NR2C2: variants seen among roughly 807,000 people sequenced by gnomAD.
NR2C2 encodes nuclear receptor subfamily 2 group C member 2, also known as Nuclear hormone receptor TR4.
A neutral mutation model predicts 62.9 loss-of-function variants in NR2C2; 6 were observed. The observed-to-expected ratio is 0.10, with a 90% CI of 0.05 to 0.19. The LOEUF (loss-of-function observed/expected upper bound fraction) is 0.19. NR2C2 is among the 10% of genes least tolerant of loss of function. NR2C2 has a pLI of 1.00. For synonymous variants in NR2C2, 272 were observed against 273.8 expected (o/e 0.99, Z 0.07); for missense variants, 479 against 762.7 (o/e 0.63, Z 4.38).
chr3:15,010,563 A>G (rs571603822), intron 2 of NR2C2, among the ~76,000 whole-genome samples: 2 of 151,622 alleles, frequency 1.3e-5, no homozygotes, highest in South Asian at 2.1e-4. Flanking sequence ...AAAAAAAAAA[A>G]TTGCCAGGCA....
In NR2C2 at chr3:15,040,447, G is replaced by A. The variant is rs139934066; in HGVS notation, c.1616+1220G>A. On this transcript the variant is annotated intron_variant, in intron 13 of 13. Transcript: ENST00000425241. ...ACACACAGGCCCACCTTCCCGACAT[G>A]TGTCCTCTGCACAGACCTCAGTCTC... 4.4e-3 allele frequency among the ~76,000 whole-genome samples: 674 copies of A among 152,354 alleles called. 4 individuals carry two copies. Among genetic ancestry groups the A allele is most frequent in the African/African-American group, 0.015 (638 of 41,584 alleles).
intron 7 of NR2C2, among the ~76,000 whole-genome samples, chr3:15,027,773 C>G (rs976953295): frequency 6.6e-6 from 1 of 151,606 alleles, no homozygotes; most frequent in Non-Finnish European, 1.5e-5. Flanking sequence ...AATTTTTTTA[C>G]TTTTTGTAGA....
At chr3:14,997,705 TTTG>T (rs1215491981) in intron 1 of NR2C2, among the ~76,000 whole-genome samples, 2 of 152,196 alleles carry the variant, frequency 1.3e-5, no homozygotes, top group Non-Finnish European at 2.9e-5. Context: ...TTGTAGTGAA[TTTG>T]TTGTTAAAAT....
intron 9 of NR2C2, among the ~76,000 whole-genome samples, chr3:15,031,165 A>G (rs1043762018): frequency 2.0e-5 from 3 of 152,124 alleles, no homozygotes; most frequent in African/African-American, 7.2e-5. Context: ...ATCTACAACA[A>G]GCAGGCAGCC....
chr3:15,017,308 C>T (rs1198072977), intron 4 of NR2C2, among the ~76,000 whole-genome samples: 1 of 152,170 alleles, frequency 6.6e-6, no homozygotes, highest in African/African-American at 2.4e-5. Context: ...CTCTGAAGCC[C>T]TCACCTACCC....
intron 11 of NR2C2, among the ~76,000 whole-genome samples, chr3:15,037,113 CAAAAA>C (rs1194047301): frequency 7.8e-6 from 1 of 128,718 alleles, no homozygotes; most frequent in Non-Finnish European, 1.7e-5. Context: ...GAGTGAGACT[CAAAAA>C]AAAAAAAACC....
In NR2C2 at chr3:14,991,487, T is replaced by C. The variant is rs180757553; in HGVS notation, c.-39-12389T>C. The stretch of plus-strand genomic sequence containing the variant: ...GTTCAAGCTGGAGGTGTCCCCTGCC[T>C]AACACCCTTTACCCTACTTAAGGGT... On this transcript the variant is annotated intron_variant, in intron 1 of 13. Coordinates refer to ENST00000425241, the MANE Select transcript of NR2C2 (RefSeq NM_001291694.2). 2.0e-5 allele frequency among the ~76,000 whole-genome samples: 3 copies of C among 152,348 alleles called. No individual in the cohort carries two copies. In the East Asian group the frequency reaches 5.8e-4, roughly 29 times the overall value.
At chr3:14,955,088 C>G (rs1424589998) in intron 1 of NR2C2, among the ~76,000 whole-genome samples, 1 of 152,158 alleles carries the variant, frequency 6.6e-6, no homozygotes. Flanking sequence ...ATCCCGGCCT[C>G]CTAAAGTGCT....
chr3:15,029,826 TAG>T lies in NR2C2; in HGVS notation c.933-447_933-446del, dbSNP rs1559303977. Among the ~76,000 whole-genome samples the T allele has an allele frequency of 7.3e-3, 909 of 125,174 alleles. 12 individuals are homozygous for T. The highest frequency in any genetic ancestry group is 0.028 in the African/African-American group (813 of 28,878). 82.1% of individuals were successfully genotyped at this position (125,174 alleles called of 152,430 possible). A position where few individuals can be genotyped will look rare whatever the true frequency, so the allele number is the denominator to read the frequency against. On this transcript the variant is annotated intron_variant, in intron 8 of 13. Transcript: ENST00000425241. ...ATAGATAGATAGATAGATAGATAGA[TAG>T]ATAGATAGATAGATATAGATAGACC...
intron 1 of NR2C2, among the ~76,000 whole-genome samples, chr3:14,981,602 CAAAAAAAAAAAAA>C (rs927608192): frequency 3.2e-4 from 12 of 37,672 alleles, no homozygotes; most frequent in South Asian, 1.6e-3. Flanking sequence ...GGCTCTGTCT[CAAAAAAAAAAAAA>C]AAAAAAAAGA....
At chr3:14,985,755 C>CA (rs1277929748) in intron 1 of NR2C2, among the ~76,000 whole-genome samples, 2 of 152,120 alleles carry the variant, frequency 1.3e-5, no homozygotes, top group Non-Finnish European at 2.9e-5. Flanking sequence ...TAAGTTTGCA[C>CA]ATTGAAGTAT....
intron 1 of NR2C2, among the ~76,000 whole-genome samples, chr3:14,960,568 C>T (rs2125244605): frequency 6.6e-6 from 1 of 152,290 alleles, no homozygotes; most frequent in South Asian, 2.1e-4. Context: ...GAAAGATACA[C>T]CTTTCTAGTA....
rs1171283649 is a variant in NR2C2 at position 15,046,192 on chromosome 3, G to A, written c.*3184G>A. The A allele has an allele frequency of 6.6e-6, 1 of 152,198 alleles. No individual in the cohort carries two copies. Among genetic ancestry groups the A allele is most frequent in the Non-Finnish European group, 1.5e-5 (1 of 68,040 alleles). The allele number at this position is 152,198 out of a possible 1,614,324, so 9.4% of individuals were successfully genotyped here. A position where few individuals can be genotyped will look rare whatever the true frequency, so the allele number is the denominator to read the frequency against. ...CCTTGCCATAAGGCTGTGGTTTGAGGTTCTTTTGCTGTTCTGGGCTTTATA... is the reference window on the plus strand; with the variant it reads ...CCTTGCCATAAGGCTGTGGTTTGAGATTCTTTTGCTGTTCTGGGCTTTATA... On this transcript the variant is annotated 3_prime_UTR_variant, in exon 14 of 14. Transcript: ENST00000425241.
chr3:15,020,871 C>T lies in NR2C2; in HGVS notation c.495C>T (p.His165=), dbSNP rs2041651132. The T allele has an allele frequency of 1.9e-6, 3 of 1,614,154 alleles. No homozygotes were observed. The highest frequency in any genetic ancestry group is 2.5e-6 in the Non-Finnish European group (3 of 1,180,022). ...SNQDCIINKH[H]RNRCQFCRLK... is the part of the protein sequence containing the mutation. The stretch of plus-strand genomic sequence containing the variant: ...AAGACTGCATCATCAATAAACATCA[C>T]CGGAACCGCTGTCAGTTTTGCCGGC... The change falls in exon 5 of 14, where the codon CAC becomes CAT. Residue 165 remains histidine, a synonymous_variant. Coordinates refer to ENST00000425241, the MANE Select transcript of NR2C2 (RefSeq NM_001291694.2).
intron 5 of NR2C2, 150 bp downstream of exon 5, chr3:15,021,082 C>T (rs2041656110): frequency 2.7e-6 from 2 of 749,632 alleles, no homozygotes; most frequent in South Asian, 1.9e-5. Flanking sequence ...ATGGGTCAGC[C>T]AGGTGATTGA....
chr3:15,037,501 C>A (rs572054174), intron 11 of NR2C2, among the ~76,000 whole-genome samples: 1 of 152,296 alleles, frequency 6.6e-6, no homozygotes, highest in African/African-American at 2.4e-5. Flanking sequence ...CCCAGCTCCT[C>A]AGGATGCTAA....
intron 2 of NR2C2, among the ~76,000 whole-genome samples, chr3:15,005,262 C>A (rs1344092615): frequency 6.6e-6 from 1 of 150,634 alleles, no homozygotes; most frequent in Non-Finnish European, 1.5e-5. Context: ...ACACAGCTCA[C>A]TGCAGCCTCT....
chr3:15,041,989 A>G (rs539413665), intron 13 of NR2C2, among the ~76,000 whole-genome samples: 1 of 152,326 alleles, frequency 6.6e-6, no homozygotes, highest in Non-Finnish European at 1.5e-5. Flanking sequence ...TTTTCATGTA[A>G]TATACAATAA....
intron 2 of NR2C2, among the ~76,000 whole-genome samples, chr3:15,007,634 A>G (rs913078975): frequency 2.6e-5 from 4 of 152,232 alleles, no homozygotes; most frequent in Admixed American, 1.3e-4. Flanking sequence ...TGTCTGACAG[A>G]GTAGCCCCTC....
Sources: gnomAD v4.1 joint callset for allele counts (sites outside exome capture counted in the v4.1 genomes callset) on GRCh38, gnomAD v4.1.1 for gene constraint, MANE v1.5 for transcripts, NCBI Gene and HGNC (gene_info 2026-07-23, HGNC 2026-07-21) for gene names.